Variants in PTK2B observed in about 807,000 individuals in gnomAD.
The protein encoded by PTK2B is protein tyrosine kinase 2 beta.
Under a neutral mutation model 142.9 loss-of-function variants are expected in PTK2B, and 71 were observed. The observed-to-expected ratio is 0.50, with a 90% CI of 0.41 to 0.61. The LOEUF (loss-of-function observed/expected upper bound fraction) is 0.61, where lower values mean the gene tolerates loss of function less well. Among genes scored for constraint, PTK2B ranks in the 20% least tolerant of loss-of-function variants. The pLI is 0.00. For synonymous variants in PTK2B, 519 were observed against 503.4 expected (o/e 1.03, Z -0.42); for missense variants, 1,105 against 1,320.4 (o/e 0.84, Z 2.53).
intron 1 of PTK2B, among the ~76,000 whole-genome samples, chr8:27,360,894 C>T (rs770463108): frequency 7.2e-5 from 11 of 152,144 alleles, no homozygotes; most frequent in Non-Finnish European, 1.5e-4. Context: ...CGAAATAAAA[C>T]GTGTCGGTCT....
At chr8:27,403,911 T>C (rs561486737) in intron 2 of PTK2B, among the ~76,000 whole-genome samples, 5 of 151,714 alleles carry the variant, frequency 3.3e-5, no homozygotes, top group Non-Finnish European at 7.4e-5. Context: ...CCTCCTCCTC[T>C]TCTTTCTCCT....
chr8:27,456,436 A>G (rs1357432383), intron 30 of PTK2B, among the ~76,000 whole-genome samples: 3 of 152,204 alleles, frequency 2.0e-5, no homozygotes, highest in Non-Finnish European at 4.4e-5. Context: ...TTGAGGGGCC[A>G]TCATAAACTG....
At chr8:27,378,422 T>C (rs1051208355) in intron 1 of PTK2B, among the ~76,000 whole-genome samples, 7 of 152,202 alleles carry the variant, frequency 4.6e-5, no homozygotes, top group Non-Finnish European at 1.0e-4. Flanking sequence ...GTATGAAATA[T>C]TCATATGCAA....
At chr8:27,417,339 T>C (rs1809461617) in intron 2 of PTK2B, among the ~76,000 whole-genome samples, 1 of 152,146 alleles carries the variant, frequency 6.6e-6, no homozygotes, top group Non-Finnish European at 1.5e-5. Flanking sequence ...CAAAAAAGTG[T>C]ATGCTAAATG....
intron 1 of PTK2B, among the ~76,000 whole-genome samples, chr8:27,371,144 C>A (rs1484315536): frequency 6.6e-6 from 1 of 152,194 alleles, no homozygotes; most frequent in Non-Finnish European, 1.5e-5. Context: ...ATACACCCGC[C>A]TCAGCCTCCC....
intron 7 of PTK2B, 22 bp downstream of exon 7, chr8:27,430,440 G>C: frequency 6.2e-7 from 1 of 1,613,772 alleles, no homozygotes; most frequent in South Asian, 1.1e-5. Flanking sequence ...AATGGGCGAG[G>C]ACCTCTTCGT....
chr8:27,441,933 C>G (rs1179246624), intron 21 of PTK2B, among the ~76,000 whole-genome samples: 1 of 152,058 alleles, frequency 6.6e-6, no homozygotes, highest in Non-Finnish European at 1.5e-5. Flanking sequence ...TCAGAGGCAT[C>G]GACCAGGCCT....
At chr8:27,380,056 T>A (rs1194215000) in intron 1 of PTK2B, among the ~76,000 whole-genome samples, 1 of 152,150 alleles carries the variant, frequency 6.6e-6, no homozygotes, top group Non-Finnish European at 1.5e-5. Context: ...GCTTTTTTGA[T>A]GTTGTTTTTG....
chr8:27,323,942 T>A (rs1444060699), upstream of PTK2B, among the ~76,000 whole-genome samples: 1 of 152,196 alleles, frequency 6.6e-6, no homozygotes, highest in Non-Finnish European at 1.5e-5. Context: ...CAAACTCTCC[T>A]TTTCTTAAAC....
intron 28 of PTK2B, 47 bp from the exon 29 acceptor site, chr8:27,454,107 G>T (rs1798336459): frequency 1.2e-6 from 2 of 1,610,654 alleles, no homozygotes; most frequent in Non-Finnish European, 1.7e-6. Context: ...ATCATTCCGT[G>T]CCCCTGGCTC....
At chr8:27,404,165 C>G (rs1048495185) in intron 2 of PTK2B, among the ~76,000 whole-genome samples, 11 of 152,266 alleles carry the variant, frequency 7.2e-5, no homozygotes, top group African/African-American at 2.2e-4. Flanking sequence ...AGGCCCTGCT[C>G]TCTCCTCTCC....
Position 27,440,318 on chromosome 8 carries a change from A to T in PTK2B, c.1916A>T (p.Glu639Val). 6.2e-7 allele frequency: 1 copy of T among 1,614,164 alleles called. No individual in the cohort carries two copies. ...LENKDVIGVL[E>V]KGDRLPKPDL... The stretch of plus-strand genomic sequence containing the variant: ...AACAAGGATGTCATCGGGGTGCTGG[A>T]GAAAGGAGACCGGCTGCCCAAGCCT... The change falls in exon 21 of 31, where the codon GAG (glutamate) becomes GTG (valine). Residue 639 changes from glutamate to valine, a missense_variant. Glu to Val is a moderately radical substitution (Grantham distance 121, BLOSUM62 -2). Transcript: ENST00000346049.
chr8:27,328,412 A>T (rs1586084560), intron 1 of PTK2B, among the ~76,000 whole-genome samples: 1 of 152,220 alleles, frequency 6.6e-6, no homozygotes, highest in African/African-American at 2.4e-5. Context: ...GGTCCTCCTA[A>T]AAGGGAACCT....
intron 5 of PTK2B, among the ~76,000 whole-genome samples, chr8:27,425,865 A>G (rs990714393): frequency 5.9e-5 from 9 of 152,190 alleles, no homozygotes; most frequent in African/African-American, 2.2e-4. Context: ...TATAGTTGGA[A>G]TGATACCTAG....
At chr8:27,434,692 G>A (rs2132107334) in intron 13 of PTK2B, 133 bp downstream of exon 13, 1 of 1,048,246 alleles carries the variant, frequency 9.5e-7, no homozygotes, top group East Asian at 2.7e-5. Flanking sequence ...TAACTTCTCA[G>A]TGATGGCTTT....
intron 1 of PTK2B, among the ~76,000 whole-genome samples, chr8:27,346,954 C>T (rs940403396): frequency 3.3e-5 from 5 of 152,212 alleles, no homozygotes; most frequent in Non-Finnish European, 4.4e-5. Flanking sequence ...AGCTACCCAC[C>T]GCATTATCCC....
intron 30 of PTK2B, among the ~76,000 whole-genome samples, chr8:27,455,702 A>T (rs1812103729): frequency 2.0e-5 from 3 of 152,254 alleles, no homozygotes; most frequent in African/African-American, 4.8e-5. Context: ...CAGGGAGAAC[A>T]AGCCCTGTGG....
intron 7 of PTK2B, among the ~76,000 whole-genome samples, chr8:27,430,665 C>A (rs1810353464): frequency 6.6e-6 from 1 of 152,194 alleles, no homozygotes; most frequent in South Asian, 2.1e-4. Context: ...GGGAAGCTAC[C>A]CCTCGCCCCC....
At position 27,367,172 on chromosome 8, in the gene PTK2B, A is replaced by T. The variant is rs140115541; in HGVS notation, c.-37-30376A>T. Among the ~76,000 whole-genome samples the T allele has an allele frequency of 3.9e-5, 6 of 152,318 alleles. No individual in the cohort carries two copies. The East Asian group carries it at 1.2e-3, about 29-fold the overall frequency. On this transcript the variant is annotated intron_variant, in intron 1 of 30. Transcript: ENST00000346049. ...AATAGTTTTAAACACACACGCACAC[A>T]TGCCACACACACACTGACTACATGA... is the stretch of plus-strand genomic sequence containing the variant.
Sources: gnomAD v4.1 joint callset for allele counts (sites outside exome capture counted in the v4.1 genomes callset) on GRCh38, gnomAD v4.1.1 for gene constraint, MANE v1.5 for transcripts, NCBI Gene and HGNC (gene_info 2026-07-23, HGNC 2026-07-21) for gene names.